TGFBR3: variants seen among roughly 807,000 people sequenced by gnomAD.
The protein encoded by TGFBR3 is transforming growth factor beta receptor type 3.
In TGFBR3, 46 loss-of-function variants were observed where a neutral mutation model predicts 87.9. The ratio of observed to expected loss-of-function variants is 0.52; its 90% CI spans 0.41 to 0.67. The LOEUF is 0.67. TGFBR3 is among the 30% of genes least tolerant of loss of function. The pLI is 0.00. For missense variants in TGFBR3, 866 were observed against 1,041.9 expected (o/e 0.83, Z 2.32); for synonymous variants, 381 against 391.6 (o/e 0.97, Z 0.32).
chr1:91,794,205 C>CTTTTTTTTTTTTT, intron 3 of TGFBR3, among the ~76,000 whole-genome samples: 1 of 148,098 alleles, frequency 6.8e-6, no homozygotes, highest in Non-Finnish European at 1.5e-5. Flanking sequence ...TCTCCTCCAC[C>CTTTTTTTTTTTTT]TTTTTTTTTT....
Position 91,886,064 on chromosome 1 carries a change from A to G in TGFBR3, c.-300T>C, listed in dbSNP as rs1282531845. The G allele has an allele frequency of 1.1e-5, 5 of 453,886 alleles. No homozygotes were observed. In the East Asian group the frequency reaches 3.5e-4, roughly 32 times the overall value. The allele number at this position is 453,886 out of a possible 1,614,324, so 28.1% of individuals were successfully genotyped here. On this transcript the variant is annotated 5_prime_UTR_variant, in exon 1 of 17. Coordinates refer to ENST00000212355, the MANE Select transcript of TGFBR3 (RefSeq NM_003243.5). ...GGAGCTCCGGGAATCGCGCAGGGAA[A>G]GTGGCCGGGGCGCGAGAGCCGCCGA...
intron 3 of TGFBR3, among the ~76,000 whole-genome samples, chr1:91,775,300 G>A (rs556426512): frequency 1.3e-5 from 2 of 152,084 alleles, no homozygotes; most frequent in Non-Finnish European, 2.9e-5. Flanking sequence ...AGGGCCCCAC[G>A]TGATCCAACC....
chr1:91,747,192 T>G (rs964018014), intron 4 of TGFBR3, among the ~76,000 whole-genome samples: 1 of 152,164 alleles, frequency 6.6e-6, no homozygotes, highest in Non-Finnish European at 1.5e-5. Context: ...TGTGGGAAGG[T>G]GGACACTCTG....
chr1:91,729,033 T>TACACACACAC (rs56158224), intron 6 of TGFBR3, among the ~76,000 whole-genome samples: 1 of 89,620 alleles, frequency 1.1e-5, no homozygotes, highest in South Asian at 5.2e-4. Flanking sequence ...CACTCCAGCA[T>TACACACACAC]ACACACACAC....
chr1:91,792,915 A>C (rs2100995358), intron 3 of TGFBR3, among the ~76,000 whole-genome samples: 1 of 152,304 alleles, frequency 6.6e-6, no homozygotes, highest in South Asian at 2.1e-4. Context: ...GTTCGCTTCC[A>C]AGGCTGTTGT....
At chr1:91,884,255 G>T (rs576278992) in intron 1 of TGFBR3, among the ~76,000 whole-genome samples, 1 of 152,016 alleles carries the variant, frequency 6.6e-6, no homozygotes, top group Admixed American at 6.5e-5. Flanking sequence ...GGGAGGTGGA[G>T]GTTGCAGTGA....
intron 2 of TGFBR3, among the ~76,000 whole-genome samples, chr1:91,803,901 T>A (rs1557719619): frequency 6.6e-6 from 1 of 152,222 alleles, no homozygotes; most frequent in Non-Finnish European, 1.5e-5. Flanking sequence ...GAGATGTACA[T>A]AATTATTTGT....
At chr1:91,696,232 C>A (rs941268972) in intron 15 of TGFBR3, among the ~76,000 whole-genome samples, 1 of 152,236 alleles carries the variant, frequency 6.6e-6, no homozygotes, top group Non-Finnish European at 1.5e-5. Context: ...AGAAAACACA[C>A]ACCTTAGAAT....
At chr1:91,785,244 T>G (rs1197999176) in intron 3 of TGFBR3, among the ~76,000 whole-genome samples, 1 of 152,244 alleles carries the variant, frequency 6.6e-6, no homozygotes, top group Non-Finnish European at 1.5e-5. Flanking sequence ...ACATATTGCA[T>G]GATCCCATTC....
intron 16 of TGFBR3, among the ~76,000 whole-genome samples, chr1:91,694,817 A>T (rs1323770137): frequency 1.3e-5 from 2 of 152,230 alleles, no homozygotes; most frequent in African/African-American, 4.8e-5. Flanking sequence ...CCAAGAACAA[A>T]CAAGAACAAG....
chr1:91,741,814 C>G (rs866949211), intron 4 of TGFBR3, among the ~76,000 whole-genome samples: 1 of 152,186 alleles, frequency 6.6e-6, no homozygotes, highest in African/African-American at 2.4e-5. Flanking sequence ...CTCAACCAAA[C>G]TGTTGCAGTA....
chr1:91,780,303 A>G (rs928744396), intron 3 of TGFBR3, among the ~76,000 whole-genome samples: 13 of 152,162 alleles, frequency 8.5e-5, no homozygotes, highest in African/African-American at 9.7e-5. Context: ...TCCCTTTTAC[A>G]TGAGAATTTG....
At chr1:91,812,810 C>A (rs1676076161) in intron 2 of TGFBR3, among the ~76,000 whole-genome samples, 1 of 152,140 alleles carries the variant, frequency 6.6e-6, no homozygotes, top group South Asian at 2.1e-4. Context: ...GATGGGGTTT[C>A]ACCATGTTGG....
Position 91,712,233 on chromosome 1 carries a change from GC to G in TGFBR3, c.2166+9del. The G allele has an allele frequency of 6.2e-7, 1 of 1,613,460 alleles. No individual in the cohort carries two copies. The highest frequency in any genetic ancestry group is 8.5e-7 in the Non-Finnish European group (1 of 1,179,586). On this transcript the variant is annotated intron_variant, in intron 13 of 16. Coordinates refer to ENST00000212355, the MANE Select transcript of TGFBR3 (RefSeq NM_003243.5). Reference sequence around the variant, plus strand: ...AAAATAACCATCCGAATGGATGAAGGCCCACAAACCTTAGGCAACTTCTGGG... The same window carrying G: ...AAAATAACCATCCGAATGGATGAAGGCCACAAACCTTAGGCAACTTCTGGG...
intron 16 of TGFBR3, among the ~76,000 whole-genome samples, chr1:91,694,166 G>GT (rs1411676971): frequency 1.3e-5 from 2 of 152,054 alleles, no homozygotes; most frequent in Non-Finnish European, 2.9e-5. Context: ...TAGTTTTTGT[G>GT]TTTTTTTGTA....
intron 3 of TGFBR3, among the ~76,000 whole-genome samples, chr1:91,772,515 T>C (rs903321525): frequency 6.6e-6 from 1 of 152,156 alleles, no homozygotes; most frequent in Non-Finnish European, 1.5e-5. Context: ...CTTGTTGAGT[T>C]TGGGGTATAA....
At chr1:91,894,842 C>A (rs1679521314) in intron 2 of TGFBR3, among the ~76,000 whole-genome samples, 1 of 152,254 alleles carries the variant, frequency 6.6e-6, no homozygotes, top group African/African-American at 2.4e-5. Context: ...ACAAACTCGG[C>A]TCACTGCAAC....
At chr1:91,880,656 A>G (rs1207437559) in intron 1 of TGFBR3, among the ~76,000 whole-genome samples, 1 of 152,036 alleles carries the variant, frequency 6.6e-6, no homozygotes, top group African/African-American at 2.4e-5. Flanking sequence ...ACTGATGGAA[A>G]TGGCAATAAA....
intron 7 of TGFBR3, among the ~76,000 whole-genome samples, chr1:91,723,209 C>T (rs137872446): frequency 6.6e-6 from 1 of 152,126 alleles, no homozygotes; most frequent in East Asian, 1.9e-4. Flanking sequence ...GGGATGGGTG[C>T]AATACTTCAC....
Sources: gnomAD v4.1 joint callset for allele counts (sites outside exome capture counted in the v4.1 genomes callset) on GRCh38, gnomAD v4.1.1 for gene constraint, MANE v1.5 for transcripts, NCBI Gene and HGNC (gene_info 2026-07-23, HGNC 2026-07-21) for gene names.